SLC35F1: variants seen among roughly 807,000 people sequenced by gnomAD.
SLC35F1 encodes solute carrier family 35 member F1, also known as chromosome 6 open reading frame 169.
SLC35F1 carries 14 observed loss-of-function variants against 48.7 expected under a neutral mutation model. The observed-to-expected ratio is 0.29, with a 90% CI of 0.19 to 0.45. The LOEUF (loss-of-function observed/expected upper bound fraction) is 0.45, where lower values mean the gene tolerates loss of function less well. SLC35F1 is among the 20% of genes least tolerant of loss of function. SLC35F1 has a pLI of 1.00. For synonymous variants in SLC35F1, 190 were observed against 202.2 expected (o/e 0.94, Z 0.51); for missense variants, 404 against 500.0 (o/e 0.81, Z 1.83).
At chr6:117,975,650 G>A (rs1776696113) in intron 1 of SLC35F1, among the ~76,000 whole-genome samples, 1 of 152,048 alleles carries the variant, frequency 6.6e-6, no homozygotes, top group African/African-American at 2.4e-5. Flanking sequence ...ATTTATTTTT[G>A]TAGACGGGAA....
chr6:117,940,061 A>G (rs1040151917), intron 1 of SLC35F1, among the ~76,000 whole-genome samples: 3 of 152,224 alleles, frequency 2.0e-5, no homozygotes, highest in African/African-American at 7.2e-5. Flanking sequence ...GCTGTCAATT[A>G]GCCATGGCAA....
intron 1 of SLC35F1, among the ~76,000 whole-genome samples, chr6:118,035,592 C>T (rs1772114817): frequency 1.4e-5 from 2 of 144,298 alleles, no homozygotes; most frequent in African/African-American, 5.1e-5. Context: ...CCAGTTTAGG[C>T]AACAAGAGTG....
chr6:117,925,058 G>T (rs190841901), intron 1 of SLC35F1, among the ~76,000 whole-genome samples: 37 of 152,280 alleles, frequency 2.4e-4, no homozygotes, highest in African/African-American at 8.7e-4. Flanking sequence ...AAACGTAATT[G>T]TGTTACATGG....
intron 1 of SLC35F1, among the ~76,000 whole-genome samples, chr6:118,093,658 A>G (rs1357369597): frequency 6.6e-6 from 1 of 152,216 alleles, no homozygotes; most frequent in Non-Finnish European, 1.5e-5. Context: ...TGAGTCCATT[A>G]AAGCCCTTTT....
chr6:118,179,082 T>G (rs1774534744), intron 2 of SLC35F1, among the ~76,000 whole-genome samples: 1 of 152,136 alleles, frequency 6.6e-6, no homozygotes, highest in Non-Finnish European at 1.5e-5. Flanking sequence ...CAGAAGCAAC[T>G]GGAGCCAGGC....
At chr6:117,951,184 G>C (rs1397992751) in intron 1 of SLC35F1, among the ~76,000 whole-genome samples, 3 of 152,146 alleles carry the variant, frequency 2.0e-5, no homozygotes, top group Non-Finnish European at 2.9e-5. Flanking sequence ...AATGTACTGA[G>C]GGAGCTTTGG....
chr6:118,296,611 G>A (rs944366109), intron 7 of SLC35F1, among the ~76,000 whole-genome samples: 2 of 152,216 alleles, frequency 1.3e-5, no homozygotes, highest in Non-Finnish European at 2.9e-5. Flanking sequence ...AGAAGCCAAA[G>A]TTCCTTGTAC....
At chr6:118,313,751 A>G (rs1357366605) in intron 7 of SLC35F1, among the ~76,000 whole-genome samples, 1 of 152,208 alleles carries the variant, frequency 6.6e-6, no homozygotes, top group Non-Finnish European at 1.5e-5. Context: ...GTGCTTAACT[A>G]GTTCTCGCAC....
In SLC35F1 at chr6:117,907,665, G is replaced by T; in HGVS notation, c.-62G>T. 1 of 1,059,872 alleles carries T rather than the reference G, an allele frequency of 9.4e-7. No homozygotes were observed. The highest frequency in any genetic ancestry group is 1.8e-5 in the South Asian group (1 of 55,922). The allele number at this position is 1,059,872 out of a possible 1,614,324, so 65.7% of individuals were successfully genotyped here. A position where few individuals can be genotyped will look rare whatever the true frequency, so the allele number is the denominator to read the frequency against. ...GGTCCTCTGCGCGTTCCCGGGCCCG[G>T]AACCGGCACACGATGCACCCGGCTG... On this transcript the variant is annotated 5_prime_UTR_variant, in exon 1 of 8. Coordinates refer to ENST00000360388, the MANE Select transcript of SLC35F1 (RefSeq NM_001029858.4).
chr6:118,010,358 C>T (rs1220957028), intron 1 of SLC35F1, among the ~76,000 whole-genome samples: 3 of 152,162 alleles, frequency 2.0e-5, no homozygotes, highest in Admixed American at 6.5e-5. Flanking sequence ...ATGACCATTC[C>T]TTCAATATTA....
At chr6:118,228,941 C>A (rs6921633) in intron 2 of SLC35F1, among the ~76,000 whole-genome samples, 141,035 of 151,010 alleles carry the variant, frequency 0.93, 65,921 homozygotes, top group East Asian at 0.98. Flanking sequence ...CCCAAAATAA[C>A]GCAGCTTCTT....
chr6:118,200,380 G>T (rs564380088), intron 2 of SLC35F1, among the ~76,000 whole-genome samples: 1 of 152,146 alleles, frequency 6.6e-6, no homozygotes, highest in Non-Finnish European at 1.5e-5. Context: ...AAAATACTAA[G>T]TGGAAACACC....
chr6:117,991,214 A>T (rs1007556085), intron 1 of SLC35F1, among the ~76,000 whole-genome samples: 2 of 152,200 alleles, frequency 1.3e-5, no homozygotes, highest in Non-Finnish European at 2.9e-5. Context: ...AATGTAAAGA[A>T]GTATAACTGT....
At chr6:117,913,423 T>C (rs1356248038) in intron 1 of SLC35F1, among the ~76,000 whole-genome samples, 1 of 152,238 alleles carries the variant, frequency 6.6e-6, no homozygotes, top group Admixed American at 6.5e-5. Flanking sequence ...ACTTGACATG[T>C]GTATCACTAT....
At chr6:118,070,008 C>T (rs1019843353) in intron 1 of SLC35F1, among the ~76,000 whole-genome samples, 2 of 151,040 alleles carry the variant, frequency 1.3e-5, no homozygotes, top group African/African-American at 2.4e-5. Context: ...CGGTGGCGGG[C>T]GCCTGTAGTC....
chr6:118,210,838 G>A (rs991639103), intron 2 of SLC35F1, among the ~76,000 whole-genome samples: 4 of 152,132 alleles, frequency 2.6e-5, no homozygotes, highest in African/African-American at 9.7e-5. Context: ...TCCAAGTGCT[G>A]CCCTCTTTCA....
chr6:118,174,046 A>G (rs561130659), intron 2 of SLC35F1, among the ~76,000 whole-genome samples: 2 of 152,300 alleles, frequency 1.3e-5, no homozygotes, highest in South Asian at 2.1e-4. Context: ...AATCCCAGTT[A>G]TCAGATGGAC....
At chr6:118,173,230 T>G (rs1774433582) in intron 2 of SLC35F1, among the ~76,000 whole-genome samples, 2 of 151,832 alleles carry the variant, frequency 1.3e-5, no homozygotes, top group South Asian at 4.1e-4. Context: ...AGCTGTAAAA[T>G]TACAGTTTTC....
chr6:118,298,138 C>T (rs1254083093), intron 7 of SLC35F1, among the ~76,000 whole-genome samples: 1 of 152,138 alleles, frequency 6.6e-6, no homozygotes, highest in Non-Finnish European at 1.5e-5. Context: ...CATGCTTATA[C>T]AGCCTACAGA....
Sources: gnomAD v4.1 joint callset for allele counts (sites outside exome capture counted in the v4.1 genomes callset) on GRCh38, gnomAD v4.1.1 for gene constraint, MANE v1.5 for transcripts, NCBI Gene and HGNC (gene_info 2026-07-23, HGNC 2026-07-21) for gene names.